The following TRIQK variants were observed in gnomAD, a reference collection of about 807,000 sequenced individuals.
The protein encoded by TRIQK is triple QxxK/R motif-containing protein.
In TRIQK, 10 loss-of-function variants were observed where a neutral mutation model predicts 10.8. The ratio of observed to expected loss-of-function variants is 0.92; its 90% CI spans 0.57 to 1.57. TRIQK has a LOEUF of 1.57. Ranked by LOEUF, TRIQK falls within the 40% of genes most tolerant of loss-of-function variation. TRIQK has a pLI of 0.00. For missense variants in TRIQK, 107 were observed against 97.7 expected (o/e 1.09, Z -0.40); for synonymous variants, 33 against 33.7 (o/e 0.98, Z 0.07).
rs116968866 is a variant in TRIQK at position 92,995,453 on chromosome 8, T to C, written c.-181+22156A>G. ...GAGCCTTTTCAATCTTTAGGGTCTT[T>C]GTTATTAAAATCAAGGTATTTTTCC... On this transcript the variant is annotated intron_variant, in intron 1 of 4. Transcript: ENST00000520686. Among the ~76,000 whole-genome samples, 91 of 152,180 alleles carry C rather than the reference T, an allele frequency of 6.0e-4. 2 individuals are homozygous for C. In the East Asian group the frequency reaches 0.013, roughly 22 times the overall value.
Position 92,885,217 on chromosome 8 carries a change from AAT to A in TRIQK, c.*1403_*1404del. On this transcript the variant is annotated 3_prime_UTR_variant, in exon 5 of 5. Coordinates refer to ENST00000521988, the MANE Select transcript of TRIQK (RefSeq NM_001171797.2). ...ACTTGAAAAAAATTCTACAGAACAT[AAT>A]GCTACACAGTCACAGTCGACTTTTT... 4 of 342,606 alleles carry A rather than the reference AAT, an allele frequency of 1.2e-5. No individual in the cohort carries two copies. Among genetic ancestry groups the A allele is most frequent in the South Asian group, 9.3e-5 (4 of 43,106 alleles). The allele number at this position is 342,606 out of a possible 1,614,324, so 21.2% of individuals were successfully genotyped here. A position where few individuals can be genotyped will look rare whatever the true frequency, so the allele number is the denominator to read the frequency against.
intron 1 of TRIQK, among the ~76,000 whole-genome samples, chr8:92,977,535 T>G (rs1812945193): frequency 6.6e-6 from 1 of 152,080 alleles, no homozygotes; most frequent in Admixed American, 6.6e-5. Context: ...TATCTTTCCT[T>G]AACATACTTA....
At chr8:92,999,135 T>C (rs1813182857) in intron 1 of TRIQK, among the ~76,000 whole-genome samples, 1 of 152,174 alleles carries the variant, frequency 6.6e-6, no homozygotes, top group African/African-American at 2.4e-5. Context: ...AACTTCAGGT[T>C]GTTCCAGGCT....
At chr8:92,937,299 A>AACAC (rs139367188) in intron 2 of TRIQK, among the ~76,000 whole-genome samples, 1 of 150,962 alleles carries the variant, frequency 6.6e-6, no homozygotes, top group African/African-American at 2.4e-5. Flanking sequence ...TACCTATACC[A>AACAC]ACACACACAC....
chr8:93,000,684 G>A (rs1014293680), intron 1 of TRIQK, among the ~76,000 whole-genome samples: 2 of 152,044 alleles, frequency 1.3e-5, no homozygotes, highest in Non-Finnish European at 2.9e-5. Context: ...TATAAATTGT[G>A]GGAAAAGGGT....
At chr8:92,972,090 G>A (rs1044893463) in intron 1 of TRIQK, among the ~76,000 whole-genome samples, 1 of 152,026 alleles carries the variant, frequency 6.6e-6, no homozygotes, top group Non-Finnish European at 1.5e-5. Context: ...TAGATTAGAT[G>A]TATTATGCCT....
chr8:93,000,349 C>T (rs1328234499), intron 1 of TRIQK, among the ~76,000 whole-genome samples: 1 of 152,152 alleles, frequency 6.6e-6, no homozygotes, highest in Non-Finnish European at 1.5e-5. Context: ...GGAGGCTTCA[C>T]AATCATGGCA....
chr8:92,973,804 A>G (rs1207596769), intron 1 of TRIQK: 4 of 152,066 alleles, frequency 2.6e-5, no homozygotes, highest in Admixed American at 2.0e-4. Flanking sequence ...CGTCCCCTAT[A>G]GTACTCTGTT....
intron 1 of TRIQK, among the ~76,000 whole-genome samples, chr8:93,017,032 A>G (rs1339921481): frequency 6.6e-6 from 1 of 152,086 alleles, no homozygotes; most frequent in Non-Finnish European, 1.5e-5. Context: ...CACATGAAAC[A>G]TTTATGTAAA....
chr8:93,007,436 G>A (rs1813285618), intron 1 of TRIQK, among the ~76,000 whole-genome samples: 1 of 152,194 alleles, frequency 6.6e-6, no homozygotes, highest in Non-Finnish European at 1.5e-5. Flanking sequence ...GACTCAACGA[G>A]AAAACACTGA....
intron 1 of TRIQK, among the ~76,000 whole-genome samples, chr8:93,002,638 G>A (rs1049150937): frequency 2.4e-4 from 36 of 152,164 alleles, no homozygotes; most frequent in African/African-American, 7.7e-4. Flanking sequence ...AAAAGAACTC[G>A]GCCAGGTGTA....
At chr8:92,912,276 T>C (rs751858583) in intron 3 of TRIQK, among the ~76,000 whole-genome samples, 4 of 151,174 alleles carry the variant, frequency 2.6e-5, no homozygotes, top group Non-Finnish European at 5.9e-5. Context: ...AAAAGGAAAA[T>C]GGGAAATTCA....
intron 2 of TRIQK, chr8:92,954,061 C>A (rs939169850): frequency 6.6e-6 from 1 of 151,520 alleles, no homozygotes; most frequent in Admixed American, 6.6e-5. Context: ...TTGCAATATA[C>A]CAAAGTATAA....
rs532532465 is a variant in TRIQK, at chr8:92,913,005, G to A, written c.61+3924C>T. Among the ~76,000 whole-genome samples, 266 of 152,000 alleles carry A rather than the reference G, an allele frequency of 1.8e-3. 2 individuals are homozygous for A. Among genetic ancestry groups the A allele is most frequent in the African/African-American group, 6.0e-3 (247 of 41,512 alleles). On this transcript the variant is annotated intron_variant, in intron 3 of 4. Transcript: ENST00000521988. Reference sequence around the variant, plus strand: ...ATTTGAAAGCCAAAGACACCACACCGAAGAAAACTACTGACCACTATTCTC... The same window carrying A: ...ATTTGAAAGCCAAAGACACCACACCAAAGAAAACTACTGACCACTATTCTC...
At chr8:93,016,742 G>A (rs538134556) in intron 1 of TRIQK, among the ~76,000 whole-genome samples, 9 of 152,270 alleles carry the variant, frequency 5.9e-5, no homozygotes, top group African/African-American at 1.9e-4. Context: ...GATGGGTGAT[G>A]AGGAGAGTGG....
chr8:92,898,868 T>TATATATATATAC (rs1563616260), intron 3 of TRIQK, among the ~76,000 whole-genome samples: 2 of 132,582 alleles, frequency 1.5e-5, no homozygotes, highest in South Asian at 4.7e-4. Context: ...TATATATATA[T>TATATATATATAC]ATATAGATGG....
Position 92,962,716 on chromosome 8 carries a change from AC to A in TRIQK, c.-181+3290del, listed in dbSNP as rs147043705. Among the ~76,000 whole-genome samples, 628 of 152,104 alleles carry A rather than the reference AC, an allele frequency of 4.1e-3. 4 individuals carry two copies. Among genetic ancestry groups the A allele is most frequent in the African/African-American group, 0.014 (600 of 41,478 alleles). On this transcript the variant is annotated intron_variant, in intron 1 of 4. Coordinates refer to ENST00000521988, the MANE Select transcript of TRIQK (RefSeq NM_001171797.2). ...GAGACGTATCTGACCGGTTCACATT[AC>A]TCCACCGGTAGAGCTAACCCATTAT...
intron 1 of TRIQK, among the ~76,000 whole-genome samples, chr8:93,007,200 A>G (rs1210717763): frequency 6.6e-6 from 1 of 152,212 alleles, no homozygotes; most frequent in Admixed American, 6.5e-5. Flanking sequence ...ACCTCCAGGT[A>G]CAGGAGGGGC....
chr8:92,930,176 G>T (rs1388082807), intron 2 of TRIQK, among the ~76,000 whole-genome samples: 2 of 151,502 alleles, frequency 1.3e-5, no homozygotes, highest in East Asian at 3.9e-4. Flanking sequence ...TCGGGAGTTT[G>T]ATATCAGCCT....
Sources: allele counts gnomAD v4.1 joint callset (sites outside exome capture counted in the v4.1 genomes callset), GRCh38; gene constraint gnomAD v4.1.1; transcripts MANE v1.5; gene names NCBI Gene and HGNC (gene_info 2026-07-23, HGNC 2026-07-21).